Variants in ZFAND2A observed in about 807,000 individuals in gnomAD.
The protein encoded by ZFAND2A is AN1-type zinc finger protein 2A.
In ZFAND2A, 20 loss-of-function variants were observed where a neutral mutation model predicts 11.6. The ratio of observed to expected loss-of-function variants is 1.72; its 90% CI spans 1.21 to 2.50. ZFAND2A has a LOEUF of 2.50. Ranked by LOEUF, ZFAND2A falls within the 30% of genes most tolerant of loss-of-function variation. The probability of loss-of-function intolerance (pLI) is 0.00; values close to 1 mark genes in which losing one functional copy is unlikely to be tolerated. For missense variants in ZFAND2A, 234 were observed against 182.9 expected (o/e 1.28, Z -1.61); for synonymous variants, 93 against 60.6 (o/e 1.54, Z -2.48).
intron 4 of ZFAND2A, among the ~76,000 whole-genome samples, chr7:1,154,219 G>A (rs1186154153): frequency 1.3e-5 from 2 of 149,998 alleles, no homozygotes; most frequent in African/African-American, 4.9e-5. Flanking sequence ...CAGGATGTAG[G>A]CAGCGATATA....
At chr7:1,153,578 T>C (rs994470758) in intron 4 of ZFAND2A, among the ~76,000 whole-genome samples, 1 of 152,184 alleles carries the variant, frequency 6.6e-6, no homozygotes, top group Non-Finnish European at 1.5e-5. Context: ...AACATTCCCA[T>C]TTAAACTGGA....
At chr7:1,154,770 C>A (rs1384415319) in intron 4 of ZFAND2A, among the ~76,000 whole-genome samples, 4 of 152,186 alleles carry the variant, frequency 2.6e-5, no homozygotes, top group African/African-American at 9.7e-5. Context: ...TTGGTAACCA[C>A]CAACCAGGAC....
chr7:1,152,041 T>C (rs899546156), downstream of ZFAND2A: 1 of 508,068 alleles, frequency 2.0e-6, no homozygotes, highest in Non-Finnish European at 3.3e-6. Context: ...AAACCAGCTG[T>C]ATGATGCTGC....
At position 1,160,132 on chromosome 7, in the gene ZFAND2A, T is replaced by C. The variant is rs1458851143; in HGVS notation, c.-214A>G. ...CCCACACCCACACCGGAACGCAACA[T>C]CTCGCTGCCCGCGGCCTACGGGGAT... is the stretch of plus-strand genomic sequence containing the variant. On this transcript the variant is annotated 5_prime_UTR_variant, in exon 1 of 5. It removes an upstream start codon present in the reference 5' UTR. Coordinates refer to ENST00000316495, the MANE Select transcript of ZFAND2A (RefSeq NM_182491.4). 2 of 152,446 alleles carry C rather than the reference T, an allele frequency of 1.3e-5. No individual in the cohort carries two copies. Among genetic ancestry groups the C allele is most frequent in the Non-Finnish European group, 2.9e-5 (2 of 68,156 alleles). The allele number at this position is 152,446 out of a possible 1,614,324, so 9.4% of individuals were successfully genotyped here. A position where few individuals can be genotyped will look rare whatever the true frequency, so the allele number is the denominator to read the frequency against.
rs1793657188 is a variant in ZFAND2A at position 1,160,154 on chromosome 7, G to GATTTATCCGCAGCCCCCGGC, written c.-237_-236insGCCGGGGGCTGCGGATAAAT. 3 of 151,854 alleles carry GATTTATCCGCAGCCCCCGGC rather than the reference G, an allele frequency of 2.0e-5. No homozygotes were observed. Among genetic ancestry groups the GATTTATCCGCAGCCCCCGGC allele is most frequent in the African/African-American group, 7.3e-5 (3 of 41,318 alleles). 9.4% of individuals were successfully genotyped at this position (151,854 alleles called of 1,614,324 possible). On this transcript the variant is annotated 5_prime_UTR_variant, in exon 1 of 5. Transcript: ENST00000316495. Reference sequence around the variant, plus strand: ...ACATCTCGCTGCCCGCGGCCTACGGGGATTTATCCGCAGCCCCCGGATCTG... The same window carrying GATTTATCCGCAGCCCCCGGC: ...ACATCTCGCTGCCCGCGGCCTACGGGATTTATCCGCAGCCCCCGGCGATTTATCCGCAGCCCCCGGATCTG...
downstream of ZFAND2A, among the ~76,000 whole-genome samples, chr7:1,150,869 G>A (rs1041696847): frequency 6.0e-5 from 9 of 150,760 alleles, no homozygotes; most frequent in Admixed American, 6.0e-4. Context: ...CGGGCTTGCT[G>A]GCTGCTGACA....
intron 3 of ZFAND2A, chr7:1,157,418 G>A (rs1554241334): frequency 8.0e-6 from 3 of 375,388 alleles, no homozygotes; most frequent in Non-Finnish European, 1.4e-5. Context: ...ATGAGTCCCT[G>A]AAAATAAGAT....
chr7:1,159,298 AC>A (rs1793615959), intron 1 of ZFAND2A, among the ~76,000 whole-genome samples: 2 of 152,152 alleles, frequency 1.3e-5, no homozygotes, highest in African/African-American at 4.8e-5. Context: ...GACGCACAGC[AC>A]CCGTCCTAGG....
intron 4 of ZFAND2A, among the ~76,000 whole-genome samples, chr7:1,153,743 G>C (rs529411932): frequency 6.6e-6 from 1 of 152,172 alleles, no homozygotes; most frequent in Admixed American, 6.5e-5. Context: ...TCAGGAGTTC[G>C]AGACAAGCTT....
downstream of ZFAND2A, among the ~76,000 whole-genome samples, chr7:1,151,270 C>A (rs117334343): frequency 0.013 from 2,051 of 152,306 alleles, 23 homozygotes; most frequent in Middle Eastern, 0.027. Context: ...AGTGTCCCAG[C>A]CCCTTGGAGG....
Position 1,153,059 on chromosome 7 carries a change from G to C in ZFAND2A, c.*10C>G. 1 of 1,614,156 alleles carries C rather than the reference G, an allele frequency of 6.2e-7. No individual in the cohort carries two copies. On this transcript the variant is annotated 3_prime_UTR_variant, in exon 5 of 5. Transcript: ENST00000316495. Reference sequence around the variant, plus strand: ...CTGCGTGCTCCGAGCCATCGCAGCGGAGTCTCTTCTCACCCAGCTTTGATG... The same window carrying C: ...CTGCGTGCTCCGAGCCATCGCAGCGCAGTCTCTTCTCACCCAGCTTTGATG...
downstream of ZFAND2A, among the ~76,000 whole-genome samples, chr7:1,151,304 C>T (rs781400666): frequency 1.6e-4 from 24 of 152,168 alleles, no homozygotes; most frequent in Non-Finnish European, 3.5e-4. Context: ...CGCAGCTGTG[C>T]CCTCAAACAA....
intron 3 of ZFAND2A, 86 bp downstream of exon 3, chr7:1,157,570 A>C (rs1033253081): frequency 7.7e-7 from 1 of 1,298,758 alleles, no homozygotes; most frequent in African/African-American, 1.5e-5. Flanking sequence ...TGAGTTAGCC[A>C]TACGTCGCTA....
rs186275578 is a variant in ZFAND2A, at chr7:1,159,995, G to A, written c.-77C>T. ...CTCGTCGGGGACCCAGGCAGCTGAG[G>A]TGAGCAGCAGATGGAAGAGACGTAA... On this transcript the variant is annotated 5_prime_UTR_variant, in exon 1 of 5. Coordinates refer to ENST00000316495, the MANE Select transcript of ZFAND2A (RefSeq NM_182491.4). 6.3e-6 allele frequency: 1 copy of A among 159,076 alleles called. No homozygotes were observed. Among genetic ancestry groups the A allele is most frequent in the African/African-American group, 2.4e-5 (1 of 41,498 alleles). The allele number at this position is 159,076 out of a possible 1,614,324, so 9.9% of individuals were successfully genotyped here.
At position 1,155,457 on chromosome 7, in the gene ZFAND2A, TCTTTC is replaced by T; in HGVS notation, c.273_277del (p.Lys92GlufsTer66). On this transcript the variant is annotated frameshift_variant, in exon 4 of 5. Transcript: ENST00000316495. LOFTEE classifies it low-confidence loss of function (END_TRUNC). ...TGAGGCGGGCTCTGTCCTTACCTTC[TCTTTC>T]TTCTTCCCAGGGTGAGAGTCACAGT... is the stretch of plus-strand genomic sequence containing the variant. The T allele has an allele frequency of 1.9e-6, 3 of 1,613,520 alleles. No individual in the cohort carries two copies. Among genetic ancestry groups the T allele is most frequent in the Non-Finnish European group, 2.5e-6 (3 of 1,179,692 alleles).
intron 3 of ZFAND2A, among the ~76,000 whole-genome samples, chr7:1,156,522 C>T (rs1206364831): frequency 3.0e-5 from 2 of 66,304 alleles, no homozygotes; most frequent in African/African-American, 1.4e-4. Flanking sequence ...GAGCTGGGGG[C>T]TCCGAAGGGG....
chr7:1,155,494 C>A lies in ZFAND2A; in HGVS notation c.241G>T (p.Asp81Tyr). ...IPDVVVGDHI[D>Y]RDCDSHPGKK... ...CCAGGGTGAGAGTCACAGTCTCTGT[C>A]AATGTGATCACCAACCACCACGTCT... The change falls in exon 4 of 5, where the codon GAC becomes TAC. Residue 81 changes from aspartate to tyrosine, a missense_variant. Asp to Tyr is a radical substitution (Grantham distance 160). Transcript: ENST00000316495. 1 of 1,613,884 alleles carries A rather than the reference C, an allele frequency of 6.2e-7. No homozygotes were observed.
chr7:1,154,180 G>C (rs985957575), intron 4 of ZFAND2A, among the ~76,000 whole-genome samples: 1 of 147,960 alleles, frequency 6.8e-6, no homozygotes, highest in African/African-American at 2.5e-5. Context: ...GTACCCACCG[G>C]TCATTTTTTT....
At chr7:1,152,879 C>G (rs1793426980), downstream of ZFAND2A, 2 of 871,292 alleles carry the variant, frequency 2.3e-6, no homozygotes, top group Admixed American at 2.0e-5. Flanking sequence ...TTGGTGACGG[C>G]AGCAGTGGGC....
Sources: gnomAD v4.1 joint callset for allele counts (sites outside exome capture counted in the v4.1 genomes callset) on GRCh38, gnomAD v4.1.1 for gene constraint, MANE v1.5 for transcripts, NCBI Gene and HGNC (gene_info 2026-07-23, HGNC 2026-07-21) for gene names.